NDUFA10: variants seen among roughly 807,000 people sequenced by gnomAD.
NDUFA10 encodes NADH:ubiquinone oxidoreductase subunit A10.
In NDUFA10, 40 loss-of-function variants were observed where a neutral mutation model predicts 47.8. That is an observed-to-expected ratio of 0.84 (90% CI 0.65 to 1.09). The LOEUF is 1.09. Among genes scored for constraint, NDUFA10 ranks in the 50% least tolerant of loss-of-function variants. The pLI is 0.00. For synonymous variants in NDUFA10, 183 were observed against 172.2 expected, an observed-to-expected ratio of 1.06 and a Z score of -0.49; for missense variants, 413 against 451.1, an observed-to-expected ratio of 0.92 and a Z score of 0.76.
At chr2:239,939,602 C>G (rs931887245) in intron 4 of NDUFA10, among the ~76,000 whole-genome samples, 8 of 152,302 alleles carry the variant, frequency 5.3e-5, no homozygotes, top group African/African-American at 1.9e-4. Context: ...GCAGAATATT[C>G]AAGAAATGGT....
At chr2:239,921,187 C>T (rs959700954) in intron 4 of NDUFA10, among the ~76,000 whole-genome samples, 11 of 151,988 alleles carry the variant, frequency 7.2e-5, no homozygotes, top group Admixed American at 3.9e-4. Context: ...TGTAGGTAGG[C>T]GAGTGAGCTG....
At position 239,899,946 on chromosome 2, in the gene NDUFA10, G is replaced by A. The variant is rs559294888; in HGVS notation, c.295-4632C>T. On this transcript the variant is annotated intron_variant, in intron 4 of 5. Coordinates refer to the NDUFA10 transcript ENST00000419408. ...ACCCATCTTAAAAAGTCACTAGCCT[G>A]GGAAGTTATCTTCCCATTATCTGGG... 5.9e-5 allele frequency among the ~76,000 whole-genome samples: 9 copies of A among 151,990 alleles called. No homozygotes were observed. The South Asian group carries it at 1.9e-3, about 32-fold the overall frequency.
chr2:240,015,085 C>A (rs535117214), intron 4 of NDUFA10, among the ~76,000 whole-genome samples: 2 of 152,250 alleles, frequency 1.3e-5, no homozygotes, highest in Admixed American at 1.3e-4. Flanking sequence ...GTGGTGCCCA[C>A]AACCCTGAAA....
intron 9 of NDUFA10, among the ~76,000 whole-genome samples, chr2:239,972,196 T>C (rs2106410243): frequency 6.6e-6 from 1 of 152,108 alleles, no homozygotes; most frequent in Admixed American, 6.6e-5. Flanking sequence ...TTTGTAAATA[T>C]ATTGATAAAT....
Position 239,945,453 on chromosome 2 carries a change from C to T in NDUFA10, c.294+44621G>A, listed in dbSNP as rs904750224. The stretch of plus-strand genomic sequence containing the variant: ...CTTTCAAAGACGCTGGGAGGCCCCT[C>T]GGGGGAAGAGCGGACACCCCAACCG... On this transcript the variant is annotated intron_variant, in intron 4 of 5. Coordinates refer to the NDUFA10 transcript ENST00000419408. This position sits in a 1 kb window ranked among gnomAD's most constrained non-coding sequence, Gnocchi z 4.6. 6.6e-6 allele frequency among the ~76,000 whole-genome samples: 1 copy of T among 152,164 alleles called. No individual in the cohort carries two copies. Among genetic ancestry groups the T allele is most frequent in the Non-Finnish European group, 1.5e-5 (1 of 68,032 alleles).
At position 239,943,921 on chromosome 2, in the gene NDUFA10, G is replaced by A. The variant is rs373929465; in HGVS notation, c.294+46153C>T. ...GATGGAGCTAAAGGCATGGGGCAGC[G>A]TCTGTCCCTTTTATGGGGGGAAGCT... On this transcript the variant is annotated intron_variant, in intron 4 of 5. Coordinates refer to the NDUFA10 transcript ENST00000419408. 2.8e-4 allele frequency among the ~76,000 whole-genome samples: 43 copies of A among 152,274 alleles called. No homozygotes were observed. The South Asian group carries it at 3.3e-3, about 12-fold the overall frequency.
rs1302627845 is a variant in NDUFA10 at position 239,960,456 on chromosome 2, G to A, written c.*662C>T. The A allele has an allele frequency of 2.3e-5, 23 of 988,642 alleles. No homozygotes were observed. The highest frequency in any genetic ancestry group is 2.2e-4 in the East Asian group (2 of 8,940). The allele number at this position is 988,642 out of a possible 1,614,324, so 61.2% of individuals were successfully genotyped here. On this transcript the variant is annotated 3_prime_UTR_variant, in exon 10 of 10. Coordinates refer to ENST00000252711, the MANE Select transcript of NDUFA10 (RefSeq NM_004544.4). ...ATCTCCCTTCAAAGGAGTTTGAGAC[G>A]CTGAGGACGGCCACGTGAATCTTTC...
At chr2:240,002,376 GTTGT>G (rs1226391418) in intron 8 of NDUFA10, among the ~76,000 whole-genome samples, 1 of 146,890 alleles carries the variant, frequency 6.8e-6, no homozygotes, top group African/African-American at 2.5e-5. Flanking sequence ...AGCGGGTTTT[GTTGT>G]TTGTTTTACT....
chr2:240,000,230 C>T lies in NDUFA10; in HGVS notation c.890+4980G>A, dbSNP rs77549836. Among the ~76,000 whole-genome samples the T allele has an allele frequency of 2.9e-3, 445 of 152,270 alleles. 12 individuals are homozygous for T. In the East Asian group the frequency reaches 0.043, roughly 15 times the overall value. On this transcript the variant is annotated intron_variant, in intron 8 of 9. Transcript: ENST00000252711. ...AACAGCCTCAGGCAGGTCCTTCAGG[C>T]GGCATCCAGAAGAAGGCATCATTGT...
intron 5 of NDUFA10, among the ~76,000 whole-genome samples, chr2:239,893,239 T>C (rs13397647): frequency 0.13 from 19,296 of 152,014 alleles, 1,347 homozygotes; most frequent in South Asian, 0.18. Context: ...GAGAACACAG[T>C]AGAGAACTGG....
intron 2 of NDUFA10, among the ~76,000 whole-genome samples, chr2:240,021,874 C>T (rs530837408): frequency 6.6e-6 from 1 of 152,300 alleles, no homozygotes; most frequent in Admixed American, 6.5e-5. Flanking sequence ...TCACAAAGTT[C>T]AAACACGACA....
chr2:239,921,115 T>C (rs1418447646), intron 4 of NDUFA10, among the ~76,000 whole-genome samples: 2 of 152,118 alleles, frequency 1.3e-5, no homozygotes, highest in Non-Finnish European at 2.9e-5. Context: ...ATCAATATGG[T>C]GGCTCGAACC....
At chr2:239,934,664 A>C (rs1234009988) in intron 4 of NDUFA10, among the ~76,000 whole-genome samples, 1 of 152,142 alleles carries the variant, frequency 6.6e-6, no homozygotes, top group Non-Finnish European at 1.5e-5. Context: ...GTGCAGAGTC[A>C]TCCTAGAGCG....
intron 4 of NDUFA10, among the ~76,000 whole-genome samples, chr2:239,938,250 T>C (rs10172732): frequency 0.47 from 71,067 of 151,676 alleles, 16,914 homozygotes; most frequent in African/African-American, 0.55. Context: ...GGAATAAACC[T>C]GTAGCGTGGC....
chr2:239,945,000 G>C (rs1453597445), intron 4 of NDUFA10, among the ~76,000 whole-genome samples: 1 of 133,676 alleles, frequency 7.5e-6, no homozygotes, highest in Non-Finnish European at 1.7e-5. Context: ...ACTTCCCAGG[G>C]GGCCTGTGGA....
intron 9 of NDUFA10, 25 bp downstream of exon 9, chr2:239,990,049 G>A: frequency 6.5e-7 from 1 of 1,544,236 alleles, no homozygotes; most frequent in Non-Finnish European, 9.0e-7. Flanking sequence ...CCACTGGCCA[G>A]CTTTCTCCAT....
Position 239,906,463 on chromosome 2 carries a change from G to A in NDUFA10, c.295-11149C>T, listed in dbSNP as rs148484329. Among the ~76,000 whole-genome samples, 195 of 152,174 alleles carry A rather than the reference G, an allele frequency of 1.3e-3. 1 individual carries two copies. The highest frequency in any genetic ancestry group is 4.4e-3 in the African/African-American group (181 of 41,506). On this transcript the variant is annotated intron_variant, in intron 4 of 5. Transcript: ENST00000419408. The surrounding 1 kb of genome is among the most constrained non-coding windows in gnomAD (Gnocchi z 4.3). ...ACCCCAGGCCTTGAGAACACCAGAC[G>A]GGGGCCCCCACGCCAATTCATGGAG...
chr2:239,959,040 A>G lies in NDUFA10; in HGVS notation c.*2078T>C. 1.0e-6 allele frequency: 1 copy of G among 985,494 alleles called. No individual in the cohort carries two copies. Among genetic ancestry groups the G allele is most frequent in the South Asian group, 4.7e-5 (1 of 21,290 alleles). The allele number at this position is 985,494 out of a possible 1,614,324, so 61.0% of individuals were successfully genotyped here. A position where few individuals can be genotyped will look rare whatever the true frequency, so the allele number is the denominator to read the frequency against. ...CTCCTCACCTCTTCTTGAGGCTTCTATGTGGAGAGAAGAATTGGACAGTGT... is the reference window on the plus strand; with the variant it reads ...CTCCTCACCTCTTCTTGAGGCTTCTGTGTGGAGAGAAGAATTGGACAGTGT... On this transcript the variant is annotated 3_prime_UTR_variant, in exon 10 of 10. Coordinates refer to ENST00000252711, the MANE Select transcript of NDUFA10 (RefSeq NM_004544.4).
intron 9 of NDUFA10, among the ~76,000 whole-genome samples, chr2:239,976,805 G>A (rs1231096737): frequency 6.6e-6 from 1 of 152,238 alleles, no homozygotes; most frequent in Non-Finnish European, 1.5e-5. Flanking sequence ...CAGAGGCTGA[G>A]AGCGCTCAGA....
Sources: gnomAD v4.1 joint callset for allele counts (sites outside exome capture counted in the v4.1 genomes callset) on GRCh38, gnomAD v4.1.1 for gene constraint, Gnocchi (gnomAD v3.1) non-coding constraint, MANE v1.5 for transcripts, NCBI Gene and HGNC (gene_info 2026-07-23, HGNC 2026-07-21) for gene names.